Variants in SLC24A3 observed in about 807,000 individuals in gnomAD.
The protein encoded by SLC24A3 is sodium/potassium/calcium exchanger 3.
In SLC24A3, 28 loss-of-function variants were observed where a neutral mutation model predicts 75.8. That is an observed-to-expected ratio of 0.37 (90% CI 0.27 to 0.51). SLC24A3 has a LOEUF of 0.51. Ranked by LOEUF, SLC24A3 falls within the 20% of genes least tolerant of loss-of-function variation. The probability of loss-of-function intolerance (pLI) is 0.94; values close to 1 mark genes in which losing one functional copy is unlikely to be tolerated. For missense variants in SLC24A3, 663 were observed against 847.8 expected (o/e 0.78, Z 2.71); for synonymous variants, 372 against 334.1 (o/e 1.11, Z -1.24).
intron 3 of SLC24A3, among the ~76,000 whole-genome samples, chr20:19,575,753 T>C (rs2031126067): frequency 1.3e-5 from 2 of 152,222 alleles, no homozygotes. Context: ...AGTTCAAACC[T>C]GTCTCATATT....
At chr20:19,453,414 C>T (rs1239149920) in intron 2 of SLC24A3, among the ~76,000 whole-genome samples, 2 of 152,168 alleles carry the variant, frequency 1.3e-5, no homozygotes, top group Non-Finnish European at 2.9e-5. Flanking sequence ...CATGTCTGCA[C>T]TTGACCCCAA....
At chr20:19,500,906 A>C (rs1988374565) in intron 2 of SLC24A3, among the ~76,000 whole-genome samples, 1 of 152,162 alleles carries the variant, frequency 6.6e-6, no homozygotes, top group Non-Finnish European at 1.5e-5. Flanking sequence ...AAATGTATAC[A>C]TTTGCATGAG....
At chr20:19,539,191 C>A (rs1021553735) in intron 3 of SLC24A3, among the ~76,000 whole-genome samples, 1 of 152,212 alleles carries the variant, frequency 6.6e-6, no homozygotes, top group Admixed American at 6.5e-5. Flanking sequence ...TGTAAAAATT[C>A]ATTCAAGGTA....
chr20:19,481,403 A>G (rs1471348036), intron 2 of SLC24A3, among the ~76,000 whole-genome samples: 1 of 152,230 alleles, frequency 6.6e-6, no homozygotes, highest in African/African-American at 2.4e-5. Context: ...ATTGAGGCAT[A>G]TCTGGTCTAA....
At chr20:19,391,024 G>A (rs1156514756) in intron 2 of SLC24A3, among the ~76,000 whole-genome samples, 1 of 152,218 alleles carries the variant, frequency 6.6e-6, no homozygotes, top group Non-Finnish European at 1.5e-5. Context: ...AAAGCCCAGG[G>A]TTGCAAAGCC....
At chr20:19,228,024 T>G (rs1981917095) in intron 1 of SLC24A3, among the ~76,000 whole-genome samples, 2 of 152,198 alleles carry the variant, frequency 1.3e-5, no homozygotes, top group Admixed American at 1.3e-4. Context: ...TCATGATTAT[T>G]TCTCTATTTC....
chr20:19,591,493 G>GT (rs11474980), intron 6 of SLC24A3, among the ~76,000 whole-genome samples: 1,607 of 148,666 alleles, frequency 0.011, 36 homozygotes, highest in African/African-American at 0.036. Context: ...CCTCATACTA[G>GT]TTTTTTTTTT....
chr20:19,496,202 G>A (rs376202062), intron 2 of SLC24A3, among the ~76,000 whole-genome samples: 5 of 152,226 alleles, frequency 3.3e-5, no homozygotes, highest in African/African-American at 7.2e-5. Flanking sequence ...TGATGATTTC[G>A]CAGAGTAAGC....
chr20:19,322,929 G>A (rs560794380), intron 2 of SLC24A3, among the ~76,000 whole-genome samples: 9 of 152,212 alleles, frequency 5.9e-5, no homozygotes, highest in East Asian at 3.9e-4. Flanking sequence ...AATATAGGCC[G>A]GGCGCGGTGG....
intron 2 of SLC24A3, among the ~76,000 whole-genome samples, chr20:19,434,358 G>A (rs557411120): frequency 9.8e-5 from 15 of 152,298 alleles, no homozygotes; most frequent in African/African-American, 3.4e-4. Flanking sequence ...AACAAGGTGC[G>A]AGAGAAAAGG....
intron 6 of SLC24A3, among the ~76,000 whole-genome samples, chr20:19,593,207 C>T (rs532499482): frequency 2.6e-5 from 4 of 152,320 alleles, no homozygotes; most frequent in African/African-American, 9.6e-5. Flanking sequence ...CTTTCCATGA[C>T]ACCACATTCC....
Position 19,353,713 on chromosome 20 carries a change from A to G in SLC24A3, c.271+72626A>G, listed in dbSNP as rs1230384046. Among the ~76,000 whole-genome samples the G allele has an allele frequency of 2.6e-5, 4 of 152,234 alleles. No homozygotes were observed. In the East Asian group the frequency reaches 7.7e-4, roughly 29 times the overall value. ...GACTAATAAAAATGCATGACCTGATACACTCATAAAAGGATGTTCAACATC... is the reference window on the plus strand; with the variant it reads ...GACTAATAAAAATGCATGACCTGATGCACTCATAAAAGGATGTTCAACATC... On this transcript the variant is annotated intron_variant, in intron 2 of 16. Coordinates refer to ENST00000328041, the MANE Select transcript of SLC24A3 (RefSeq NM_020689.4).
At chr20:19,526,206 A>C (rs1375930142) in intron 3 of SLC24A3, among the ~76,000 whole-genome samples, 1 of 152,126 alleles carries the variant, frequency 6.6e-6, no homozygotes, top group East Asian at 1.9e-4. Context: ...TCTTCAGTGC[A>C]TTTCCTCCAG....
At position 19,589,490 on chromosome 20, in the gene SLC24A3, G is replaced by A. The variant is rs368261352; in HGVS notation, c.612+3946G>A. Among the ~76,000 whole-genome samples, 15 of 152,280 alleles carry A rather than the reference G, an allele frequency of 9.9e-5. 1 individual carries two copies. In the East Asian group the frequency reaches 1.7e-3, roughly 18 times the overall value. ...GCAAAGAGATCTAGGGGACAGCAGTGGAAAGGGCCTGAAATGGTAAAGGTG... is the reference window on the plus strand; with the variant it reads ...GCAAAGAGATCTAGGGGACAGCAGTAGAAAGGGCCTGAAATGGTAAAGGTG... On this transcript the variant is annotated intron_variant, in intron 6 of 16. Transcript: ENST00000328041.
intron 2 of SLC24A3, among the ~76,000 whole-genome samples, chr20:19,421,928 A>G (rs1199732087): frequency 1.3e-5 from 2 of 152,124 alleles, no homozygotes; most frequent in Non-Finnish European, 2.9e-5. Context: ...CTGTCTCAAT[A>G]CAAGATGTGT....
chr20:19,300,187 C>T (rs995028502), intron 2 of SLC24A3, among the ~76,000 whole-genome samples: 1 of 152,214 alleles, frequency 6.6e-6, no homozygotes, highest in African/African-American at 2.4e-5. Flanking sequence ...ATTCCCCTTT[C>T]CTTGAATATG....
chr20:19,599,969 C>T (rs2031504728), intron 6 of SLC24A3, among the ~76,000 whole-genome samples: 1 of 152,198 alleles, frequency 6.6e-6, no homozygotes, highest in African/African-American at 2.4e-5. Context: ...TAAACGTGTG[C>T]TTTCCTGTTT....
chr20:19,639,686 C>T (rs1252026537), intron 6 of SLC24A3, among the ~76,000 whole-genome samples: 1 of 152,214 alleles, frequency 6.6e-6, no homozygotes, highest in African/African-American at 2.4e-5. Flanking sequence ...CAGGGGGCGG[C>T]GCTCAATGGG....
At chr20:19,569,340 G>A (rs1048487247) in intron 3 of SLC24A3, among the ~76,000 whole-genome samples, 3 of 152,186 alleles carry the variant, frequency 2.0e-5, no homozygotes, top group Admixed American at 6.5e-5. Flanking sequence ...GGCAGTGAGG[G>A]CAAGGAAGTG....
Sources: gnomAD v4.1 joint callset for allele counts (sites outside exome capture counted in the v4.1 genomes callset) on GRCh38, gnomAD v4.1.1 for gene constraint, MANE v1.5 for transcripts, NCBI Gene and HGNC (gene_info 2026-07-23, HGNC 2026-07-21) for gene names.